ORC2: variants seen among roughly 807,000 people sequenced by gnomAD.
The protein encoded by ORC2 is origin recognition complex subunit 2, also known as origin recognition complex protein 2 homolog.
A neutral mutation model predicts 77.7 loss-of-function variants in ORC2; 37 were observed. The observed-to-expected ratio is 0.48, with a 90% CI of 0.37 to 0.63. ORC2 has a LOEUF of 0.63. ORC2 is among the 20% of genes least tolerant of loss of function. The pLI, the probability that ORC2 is intolerant of heterozygous loss-of-function variation, is 0.00. For synonymous variants in ORC2, 201 were observed against 229.5 expected (o/e 0.88, Z 1.12); for missense variants, 557 against 661.9 (o/e 0.84, Z 1.74).
Position 200,942,694 on chromosome 2 carries a change from T to C in ORC2, c.412A>G (p.Ser138Gly). ...DPEITINVPQ[S>G]SKGHSASDKV... ...TAATGTAATGTCTTACCCTTGCTAC[T>C]TTGAGGAACGTTTATCGTAATCTCA... is the stretch of plus-strand genomic sequence containing the variant. The change falls in exon 6 of 18, where the codon AGT becomes GGT. Residue 138 changes from serine to glycine, a missense_variant. Physicochemically the swap from Ser to Gly is moderately conservative, Grantham distance 56. Transcript: ENST00000234296. 6.3e-7 allele frequency: 1 copy of C among 1,597,322 alleles called. No homozygotes were observed. The highest frequency in any genetic ancestry group is 8.6e-7 in the Non-Finnish European group (1 of 1,168,480).
At chr2:200,962,162 G>A (rs998000670) in intron 1 of ORC2, among the ~76,000 whole-genome samples, 5 of 152,256 alleles carry the variant, frequency 3.3e-5, no homozygotes, top group Admixed American at 3.3e-4. Context: ...TTCCTTCTTT[G>A]CTTTCCAACA....
At chr2:200,959,212 GA>G (rs2041525878) in intron 2 of ORC2, among the ~76,000 whole-genome samples, 179 bp downstream of exon 2, 1 of 152,018 alleles carries the variant, frequency 6.6e-6, no homozygotes. Context: ...TGAGCTCCTG[GA>G]ATTAAGCAAT....
At position 200,942,717 on chromosome 2, in the gene ORC2, T is replaced by C. The variant is rs1559018014; in HGVS notation, c.389A>G (p.Glu130Gly). The change falls in exon 6 of 18, where the codon GAG (glutamate) becomes GGG (glycine). Residue 130 changes from glutamate (E) to glycine (G), a missense_variant. Glu to Gly is a moderately conservative substitution (Grantham distance 98). Transcript: ENST00000234296. ...SVSFSLKNDP[E>G]ITINVPQSSK... The stretch of plus-strand genomic sequence containing the variant: ...ACTTTGAGGAACGTTTATCGTAATC[T>C]CAGGATCATTCTTCAAACTGAATGA... The C allele has an allele frequency of 1.2e-5, 20 of 1,609,946 alleles. No individual in the cohort carries two copies. Among genetic ancestry groups the C allele is most frequent in the Non-Finnish European group, 1.6e-5 (19 of 1,177,614 alleles).
rs377357388 is a variant in ORC2, at chr2:200,913,281, T to C, written c.1647+14A>G. 1.1e-5 allele frequency: 17 copies of C among 1,567,996 alleles called. No homozygotes were observed. The highest frequency in any genetic ancestry group is 1.4e-5 in the Non-Finnish European group (16 of 1,148,484). On this transcript the variant is annotated intron_variant, in intron 17 of 17. Coordinates refer to ENST00000234296, the MANE Select transcript of ORC2 (RefSeq NM_006190.5). ...CTATTCCTGGCATACAATGCTACAATAGTGGAGTCTTACCTTCTTTGTTCT... is the reference window on the plus strand; with the variant it reads ...CTATTCCTGGCATACAATGCTACAACAGTGGAGTCTTACCTTCTTTGTTCT...
chr2:200,958,157 C>T lies in ORC2; in HGVS notation c.-10-24G>A, dbSNP rs2041506227. On this transcript the variant is annotated intron_variant, in intron 2 of 17. Coordinates refer to ENST00000234296, the MANE Select transcript of ORC2 (RefSeq NM_006190.5). ...ACCTAAACAAAAACAGTAAGTTACT[C>T]AAAAGTGATGAAGAATTCATATCAA... 3.0e-6 allele frequency: 4 copies of T among 1,348,598 alleles called. No homozygotes were observed. The highest frequency in any genetic ancestry group is 4.3e-6 in the Non-Finnish European group (4 of 939,548). 83.5% of individuals were successfully genotyped at this position (1,348,598 alleles called of 1,614,324 possible).
chr2:200,953,645 A>G (rs960758988), intron 4 of ORC2, among the ~76,000 whole-genome samples: 5 of 152,210 alleles, frequency 3.3e-5, no homozygotes, highest in African/African-American at 1.2e-4. Context: ...ACCCATGTTC[A>G]TAGCAGCATC....
intron 7 of ORC2, 127 bp downstream of exon 7, chr2:200,941,121 C>A: frequency 1.5e-6 from 1 of 658,202 alleles, no homozygotes; most frequent in Admixed American, 2.7e-5. Flanking sequence ...ATTTAACTGC[C>A]AAATATCTGT....
At chr2:200,940,485 A>C (rs1346347823) in intron 7 of ORC2, among the ~76,000 whole-genome samples, 1 of 152,194 alleles carries the variant, frequency 6.6e-6, no homozygotes, top group Non-Finnish European at 1.5e-5. Context: ...TTGAAAAGGC[A>C]TAATGAGAAA....
At chr2:200,943,000 A>G (rs1343922094) in intron 5 of ORC2, 4 of 331,662 alleles carry the variant, frequency 1.2e-5, no homozygotes, top group Non-Finnish European at 1.6e-5. Context: ...TTAAAAGAAA[A>G]TACAAATAAC....
chr2:200,936,029 G>C, intron 8 of ORC2, 137 bp from the exon 9 acceptor site: 1 of 601,610 alleles, frequency 1.7e-6, no homozygotes, highest in East Asian at 3.0e-5. Context: ...GATTTCACCA[G>C]AGCTAATTAA....
rs1008470869 is a variant in ORC2 at position 200,925,715 on chromosome 2, G to A, written c.1147+121C>T. 14 of 328,552 alleles carry A rather than the reference G, an allele frequency of 4.3e-5. No homozygotes were observed. The Admixed American group carries it at 5.6e-4, about 13-fold the overall frequency. 20.4% of individuals were successfully genotyped at this position (328,552 alleles called of 1,614,324 possible). On this transcript the variant is annotated intron_variant, in intron 13 of 17. Transcript: ENST00000234296. ...GATCGCACCACTGCACTCCAGGCTG[G>A]GCAACAGAGAGACTGTCTCAAAAAT...
chr2:200,943,326 CT>C (rs1334076688), intron 5 of ORC2, among the ~76,000 whole-genome samples: 1 of 151,866 alleles, frequency 6.6e-6, no homozygotes, highest in Non-Finnish European at 1.5e-5. Context: ...GAATAGTGGT[CT>C]TTTGTTTAGG....
chr2:200,955,236 T>C (rs1000787546), intron 4 of ORC2, among the ~76,000 whole-genome samples: 3 of 152,338 alleles, frequency 2.0e-5, no homozygotes, highest in South Asian at 2.1e-4. Flanking sequence ...CCTGGCATAA[T>C]AGGGAGTCAA....
intron 1 of ORC2, among the ~76,000 whole-genome samples, chr2:200,961,594 G>C (rs536903282): frequency 2.0e-5 from 3 of 152,164 alleles, no homozygotes; most frequent in Admixed American, 1.3e-4. Flanking sequence ...CAGTTCATTG[G>C]GTGAAACATC....
intron 6 of ORC2, among the ~76,000 whole-genome samples, chr2:200,941,609 T>C (rs2041153912): frequency 6.6e-6 from 1 of 152,156 alleles, no homozygotes; most frequent in Non-Finnish European, 1.5e-5. Flanking sequence ...AGTTTCATGA[T>C]TACTCACATT....
chr2:200,913,701 A>G (rs900176254), intron 16 of ORC2: 183 of 1,351,488 alleles, frequency 1.4e-4, no homozygotes, highest in Non-Finnish European at 1.6e-4. Context: ...TAGCACAGAA[A>G]ATTTTAAAAG....
At chr2:200,962,719 T>C (rs369307946) in intron 1 of ORC2, among the ~76,000 whole-genome samples, 3 of 152,364 alleles carry the variant, frequency 2.0e-5, no homozygotes, top group South Asian at 2.1e-4. Context: ...ACAGAAAAAC[T>C]GCTCAATAAG....
At chr2:200,935,088 GTTAT>G (rs781444510) in intron 9 of ORC2, among the ~76,000 whole-genome samples, 5 of 151,978 alleles carry the variant, frequency 3.3e-5, no homozygotes, top group Non-Finnish European at 5.9e-5. Context: ...TTTTATTTTT[GTTAT>G]TTTTTATTCT....
At position 200,913,090 on chromosome 2, in the gene ORC2, T is replaced by C. The variant is rs1177659915; in HGVS notation, c.1647+205A>G. ...TTGCCTATTACTCTGGACTAGAACA[T>C]GTGAGTTTTCTGCTCTGCTCTGAAG... On this transcript the variant is annotated intron_variant, in intron 17 of 17. Coordinates refer to ENST00000234296, the MANE Select transcript of ORC2 (RefSeq NM_006190.5). Among the ~76,000 whole-genome samples the C allele has an allele frequency of 6.6e-5, 10 of 152,368 alleles. No homozygotes were observed. In the East Asian group the frequency reaches 1.9e-3, roughly 29 times the overall value.
Sources: gnomAD v4.1 joint callset for allele counts (sites outside exome capture counted in the v4.1 genomes callset) on GRCh38, gnomAD v4.1.1 for gene constraint, MANE v1.5 for transcripts, NCBI Gene and HGNC (gene_info 2026-07-23, HGNC 2026-07-21) for gene names.